Variants in UNC5C observed in about 807,000 individuals in gnomAD.
The protein encoded by UNC5C is unc-5 netrin receptor C.
In UNC5C, 47 loss-of-function variants were observed where a neutral mutation model predicts 99.8. The observed-to-expected ratio is 0.47, with a 90% CI of 0.37 to 0.60. The LOEUF (loss-of-function observed/expected upper bound fraction) is 0.60. Among genes scored for constraint, UNC5C ranks in the 20% least tolerant of loss-of-function variants. The pLI is 0.00. For missense variants in UNC5C, 1,062 were observed against 1,165.9 expected (o/e 0.91, Z 1.30); for synonymous variants, 487 against 452.2 (o/e 1.08, Z -0.98).
At chr4:95,181,466 C>A (rs570566761) in intron 14 of UNC5C, among the ~76,000 whole-genome samples, 172 of 152,212 alleles carry the variant, frequency 1.1e-3, no homozygotes, top group Non-Finnish European at 2.1e-3. Context: ...CATCAAAGGA[C>A]CAGACCCCCT....
At chr4:95,319,337 T>C (rs191511843) in intron 2 of UNC5C, among the ~76,000 whole-genome samples, 1 of 152,262 alleles carries the variant, frequency 6.6e-6, no homozygotes, top group East Asian at 1.9e-4. Flanking sequence ...GCCCTAATAG[T>C]TCCTTGCGGC....
intron 1 of UNC5C, among the ~76,000 whole-genome samples, chr4:95,483,035 A>ATAATAT (rs1408564765): frequency 2.5e-5 from 2 of 79,730 alleles, no homozygotes; most frequent in Non-Finnish European, 7.0e-5. Context: ...AATAATAATA[A>ATAATAT]TAATAATAAA....
At chr4:95,268,452 A>G (rs1444746669) in intron 4 of UNC5C, among the ~76,000 whole-genome samples, 3 of 152,244 alleles carry the variant, frequency 2.0e-5, no homozygotes, top group Non-Finnish European at 4.4e-5. Flanking sequence ...GACTTTGGTC[A>G]GGACCATGCT....
intron 1 of UNC5C, among the ~76,000 whole-genome samples, chr4:95,341,613 A>G (rs923866840): frequency 5.3e-5 from 8 of 152,110 alleles, no homozygotes; most frequent in African/African-American, 1.9e-4. Context: ...AGATAGCCAA[A>G]TGGAAGCCTT....
At chr4:95,350,711 T>C (rs1481591887) in intron 1 of UNC5C, among the ~76,000 whole-genome samples, 1 of 152,136 alleles carries the variant, frequency 6.6e-6, no homozygotes, top group African/African-American at 2.4e-5. Flanking sequence ...AATAATCTAA[T>C]AAAGATTGAA....
At position 95,219,303 on chromosome 4, in the gene UNC5C, A is replaced by G. The variant is rs959516867; in HGVS notation, c.1311T>C (p.Ala437=). Residue 437 remains alanine, a synonymous_variant, in exon 9 of 16, where the codon GCT becomes GCC. Coordinates refer to ENST00000453304, the MANE Select transcript of UNC5C (RefSeq NM_003728.4). ...NIKAARQDLL[A]VPPDLTSAAA... ...CAGCTGACGTGAGGTCTGGGGGTAC[A>G]GCCAGCAGATCTGAGTCAGAAAGAG... 6.2e-7 allele frequency: 1 copy of G among 1,613,398 alleles called. No homozygotes were observed. Among genetic ancestry groups the G allele is most frequent in the African/African-American group, 1.3e-5 (1 of 75,054 alleles).
rs376193832 is a variant in UNC5C at position 95,206,722 on chromosome 4, C to T, written c.1808G>A (p.Arg603His). ...GTGATGCATAGTGAGGACGACTGGGCGGGTGAGCAGAGCTCCTGGGGGCCC... is the reference window on the plus strand; with the variant it reads ...GTGATGCATAGTGAGGACGACTGGGTGGGTGAGCAGAGCTCCTGGGGGCCC... ...SCGPPGALLT[R>H]PVVLTMHHCA... Residue 603 changes from arginine to histidine, a missense_variant, in exon 11 of 16, where the codon CGC (arginine) becomes CAC (histidine). Arg to His is a conservative substitution (Grantham distance 29). Around this residue, in one of 3 missense-constraint regions of UNC5C, gnomAD observed 810 missense variants for 854.5 expected, o/e 0.95. Transcript: ENST00000453304. 3.6e-5 allele frequency: 58 copies of T among 1,613,700 alleles called. No homozygotes were observed. The highest frequency in any genetic ancestry group is 4.2e-5 in the Non-Finnish European group (49 of 1,179,916).
intron 15 of UNC5C, 50 bp from the exon 16 acceptor site, chr4:95,169,449 AT>A: frequency 6.3e-7 from 1 of 1,589,066 alleles, no homozygotes; most frequent in Non-Finnish European, 8.6e-7. Flanking sequence ...TTACATATCT[AT>A]TTTTCCTCAG....
chr4:95,505,466 C>A (rs1721891362), intron 1 of UNC5C, among the ~76,000 whole-genome samples: 1 of 152,138 alleles, frequency 6.6e-6, no homozygotes, highest in South Asian at 2.1e-4. Context: ...GCTATTCAAA[C>A]CCTGCTGTAT....
chr4:95,265,298 CAT>C (rs57243816), intron 4 of UNC5C, among the ~76,000 whole-genome samples: 12,496 of 152,082 alleles, frequency 0.082, 904 homozygotes, highest in Admixed American at 0.24. Flanking sequence ...ACAAAAAAAA[CAT>C]AATAAGTGCT....
intron 2 of UNC5C, among the ~76,000 whole-genome samples, chr4:95,326,297 T>A (rs1742880667): frequency 6.6e-6 from 1 of 152,148 alleles, no homozygotes; most frequent in Non-Finnish European, 1.5e-5. Context: ...TCTCAGGGAT[T>A]ATTACAATTT....
intron 5 of UNC5C, among the ~76,000 whole-genome samples, chr4:95,245,767 G>A (rs938973201): frequency 6.6e-6 from 1 of 152,196 alleles, no homozygotes; most frequent in Non-Finnish European, 1.5e-5. Flanking sequence ...CAATTATGAT[G>A]TCTGATGGAG....
In UNC5C at chr4:95,482,096, T is replaced by C. The variant is rs1390609483; in HGVS notation, c.124+66638A>G. ...AACCTACAAAATGGAAGAAAATTTT[T>C]GCAACCTACTCATCTGACAAAGGGC... On this transcript the variant is annotated intron_variant, in intron 1 of 15. Transcript: ENST00000453304. Among the ~76,000 whole-genome samples, 637 of 152,132 alleles carry C rather than the reference T, an allele frequency of 4.2e-3. 5 individuals are homozygous for C. The highest frequency in any genetic ancestry group is 0.015 in the African/African-American group (604 of 41,488).
chr4:95,391,819 G>A (rs541566551), intron 1 of UNC5C, among the ~76,000 whole-genome samples: 4 of 150,066 alleles, frequency 2.7e-5, no homozygotes, highest in Admixed American at 6.6e-5. Context: ...GCTCACACCT[G>A]TAATCCCAGC....
At chr4:95,457,103 CTA>C (rs1747454299) in intron 1 of UNC5C, among the ~76,000 whole-genome samples, 1 of 152,058 alleles carries the variant, frequency 6.6e-6, no homozygotes, top group Non-Finnish European at 1.5e-5. Context: ...ATACCTTTAC[CTA>C]TATGTTTACA....
Position 95,222,761 on chromosome 4 carries a change from G to T in UNC5C, c.1109-2585C>A, listed in dbSNP as rs948450020. ...CAAAGGTTAAGTACCCATTTACTGA[G>T]CTAAGCTGAGACCACCTCTCCCCCG... On this transcript the variant is annotated intron_variant, in intron 7 of 15. Transcript: ENST00000453304. Among the ~76,000 whole-genome samples the T allele has an allele frequency of 6.6e-5, 10 of 152,220 alleles. No homozygotes were observed. The East Asian group carries it at 1.9e-3, about 29-fold the overall frequency.
At chr4:95,253,892 C>T (rs531115752) in intron 4 of UNC5C, among the ~76,000 whole-genome samples, 6 of 152,250 alleles carry the variant, frequency 3.9e-5, no homozygotes, top group East Asian at 1.9e-4. Flanking sequence ...TCTTCCATAC[C>T]GCCTGGAAGA....
intron 1 of UNC5C, among the ~76,000 whole-genome samples, chr4:95,449,845 T>C (rs1025530544): frequency 7.9e-5 from 12 of 152,210 alleles, no homozygotes; most frequent in Non-Finnish European, 1.6e-4. Flanking sequence ...TTATTGTTTG[T>C]ATGGGAAAGT....
At chr4:95,205,433 A>G (rs1437779257) in intron 11 of UNC5C, among the ~76,000 whole-genome samples, 1 of 152,090 alleles carries the variant, frequency 6.6e-6, no homozygotes, top group African/African-American at 2.4e-5. Flanking sequence ...TGATCCCCTG[A>G]TATGGTCAAG....
Sources: allele counts gnomAD v4.1 joint callset (sites outside exome capture counted in the v4.1 genomes callset), GRCh38; gene constraint gnomAD v4.1.1; regional missense constraint gnomAD v4.1.1; transcripts MANE v1.5; gene names NCBI Gene and HGNC (gene_info 2026-07-23, HGNC 2026-07-21).